ZFPM2: variants seen among roughly 807,000 people sequenced by gnomAD.
ZFPM2 encodes zinc finger protein ZFPM2.
ZFPM2 carries 20 observed loss-of-function variants against 98.6 expected under a neutral mutation model. That is an observed-to-expected ratio of 0.20 (90% confidence interval 0.14 to 0.29). The LOEUF (loss-of-function observed/expected upper bound fraction) is 0.29, where lower values mean the gene tolerates loss of function less well. ZFPM2 is among the 10% of genes least tolerant of loss of function. ZFPM2 has a pLI of 1.00. For missense variants in ZFPM2, 1,310 were observed against 1,388.6 expected, an observed-to-expected ratio of 0.94 and a Z score of 0.90; for synonymous variants, 518 against 502.7, an observed-to-expected ratio of 1.03 and a Z score of -0.41.
chr8:105,686,840 T>C (rs1481555496), intron 5 of ZFPM2, among the ~76,000 whole-genome samples: 1 of 152,194 alleles, frequency 6.6e-6, no homozygotes, highest in Non-Finnish European at 1.5e-5. Context: ...CTTTTAGTTT[T>C]TATTATTTCT....
intron 5 of ZFPM2, among the ~76,000 whole-genome samples, chr8:105,684,620 T>C (rs1312357140): frequency 1.3e-5 from 2 of 152,120 alleles, no homozygotes; most frequent in Non-Finnish European, 2.9e-5. Flanking sequence ...ACACGGTTAG[T>C]TGAATTTTCA....
At chr8:105,357,422 T>G (rs1282043161) in intron 1 of ZFPM2, among the ~76,000 whole-genome samples, 1 of 152,222 alleles carries the variant, frequency 6.6e-6, no homozygotes, top group African/African-American at 2.4e-5. Context: ...TTCTTATGCC[T>G]TTTTGCTTTT....
At chr8:105,505,733 A>T (rs1303630272) in intron 3 of ZFPM2, among the ~76,000 whole-genome samples, 1 of 152,176 alleles carries the variant, frequency 6.6e-6, no homozygotes, top group African/African-American at 2.4e-5. Flanking sequence ...GCTAATGATT[A>T]ATCACTGGTA....
At chr8:105,726,224 A>G (rs573901702) in intron 5 of ZFPM2, among the ~76,000 whole-genome samples, 2 of 151,484 alleles carry the variant, frequency 1.3e-5, no homozygotes, top group South Asian at 4.2e-4. Context: ...AATAAGAATT[A>G]TTTGGAGAGG....
chr8:105,698,675 A>G (rs1163000101), intron 5 of ZFPM2, among the ~76,000 whole-genome samples: 1 of 152,192 alleles, frequency 6.6e-6, no homozygotes, highest in Non-Finnish European at 1.5e-5. Context: ...CAGAAATTAA[A>G]ACAAAAAGAC....
intron 5 of ZFPM2, among the ~76,000 whole-genome samples, chr8:105,765,036 G>T (rs766116637): frequency 6.6e-6 from 1 of 151,792 alleles, no homozygotes; most frequent in South Asian, 2.1e-4. Flanking sequence ...TAGATTTCAG[G>T]ACCACGTGGT....
At chr8:105,651,112 A>G (rs562583504) in intron 5 of ZFPM2, among the ~76,000 whole-genome samples, 1 of 152,128 alleles carries the variant, frequency 6.6e-6, no homozygotes, top group African/African-American at 2.4e-5. Flanking sequence ...TTCCATGCCC[A>G]GTGACAAGTC....
At chr8:105,710,388 A>C (rs1287636608) in intron 5 of ZFPM2, among the ~76,000 whole-genome samples, 1 of 152,152 alleles carries the variant, frequency 6.6e-6, no homozygotes, top group Non-Finnish European at 1.5e-5. Context: ...ATTGGCTCTT[A>C]ATAAGCATAT....
intron 4 of ZFPM2, among the ~76,000 whole-genome samples, chr8:105,578,500 C>G (rs2130736268): frequency 6.6e-6 from 1 of 152,204 alleles, no homozygotes; most frequent in East Asian, 1.9e-4. Context: ...ATATATACAG[C>G]ATTTAAAAGT....
chr8:105,746,311 A>T (rs1168439392), intron 5 of ZFPM2, among the ~76,000 whole-genome samples: 1 of 152,048 alleles, frequency 6.6e-6, no homozygotes, highest in Non-Finnish European at 1.5e-5. Context: ...TGGTAGAAAG[A>T]TAACGATTCC....
intron 1 of ZFPM2, among the ~76,000 whole-genome samples, chr8:105,343,689 GT>G (rs1280499106): frequency 6.6e-6 from 1 of 152,110 alleles, no homozygotes; most frequent in Non-Finnish European, 1.5e-5. Context: ...GGAAGCGAAG[GT>G]TTGCCTGGTT....
At chr8:105,635,680 G>T (rs1322097228) in intron 5 of ZFPM2, among the ~76,000 whole-genome samples, 1 of 152,128 alleles carries the variant, frequency 6.6e-6, no homozygotes, top group Non-Finnish European at 1.5e-5. Flanking sequence ...CCGACATTCA[G>T]AATACAAAAG....
chr8:105,469,424 T>C (rs1183278711), intron 3 of ZFPM2, among the ~76,000 whole-genome samples: 1 of 152,192 alleles, frequency 6.6e-6, no homozygotes, highest in Non-Finnish European at 1.5e-5. Flanking sequence ...GTCTTCCATT[T>C]TTCTTCTTTC....
chr8:105,539,535 C>T (rs557199404), intron 3 of ZFPM2, among the ~76,000 whole-genome samples: 1 of 152,134 alleles, frequency 6.6e-6, no homozygotes, highest in Non-Finnish European at 1.5e-5. Flanking sequence ...AATGCTTTGC[C>T]TGAGACGTAT....
rs199626581 is a variant in ZFPM2 at position 105,508,841 on chromosome 8, A to AT, written c.302-52514dup. ...TCGCATTGTTGTGTTGGGGTTTTGG[A>AT]TTTTTTTTGAAAAAAAAAAATTTTT... On this transcript the variant is annotated intron_variant, in intron 3 of 7. Transcript: ENST00000407775. Among the ~76,000 whole-genome samples the AT allele has an allele frequency of 2.6e-3, 365 of 138,464 alleles. 1 individual carries two copies. Among genetic ancestry groups the AT allele is most frequent in the African/African-American group, 9.5e-3 (343 of 36,126 alleles). 90.8% of individuals were successfully genotyped at this position (138,464 alleles called of 152,430 possible). A position where few individuals can be genotyped will look rare whatever the true frequency, so the allele number is the denominator to read the frequency against.
intron 4 of ZFPM2, among the ~76,000 whole-genome samples, chr8:105,570,589 GA>G (rs1210118360): frequency 6.6e-6 from 1 of 152,150 alleles, no homozygotes; most frequent in East Asian, 1.9e-4. Context: ...GTATTGAAAT[GA>G]AAACCTGAAT....
chr8:105,789,427 T>C (rs1206762702), intron 6 of ZFPM2, among the ~76,000 whole-genome samples: 7 of 152,370 alleles, frequency 4.6e-5, no homozygotes, highest in Non-Finnish European at 7.3e-5. Flanking sequence ...TCCTTTTTTA[T>C]GGCTACATAG....
At chr8:105,789,785 G>T (rs957152761) in intron 6 of ZFPM2, among the ~76,000 whole-genome samples, 19 of 152,234 alleles carry the variant, frequency 1.2e-4, no homozygotes, top group Non-Finnish European at 2.5e-4. Flanking sequence ...TTCTAACTGG[G>T]GTGAGATGAT....
chr8:105,729,634 C>T (rs1811885184), intron 5 of ZFPM2, among the ~76,000 whole-genome samples: 2 of 151,572 alleles, frequency 1.3e-5, no homozygotes, highest in South Asian at 2.1e-4. Context: ...GAAGATTCCC[C>T]GTGAAGAGTG....
Sources: allele counts gnomAD v4.1 joint callset (sites outside exome capture counted in the v4.1 genomes callset), GRCh38; gene constraint gnomAD v4.1.1; transcripts MANE v1.5; gene names NCBI Gene and HGNC (gene_info 2026-07-23, HGNC 2026-07-21).